GPR139: variants seen among roughly 807,000 people sequenced by gnomAD.
GPR139 encodes the protein G protein-coupled receptor 139.
A neutral mutation model predicts 25.8 loss-of-function variants in GPR139; 12 were observed. The ratio of observed to expected loss-of-function variants is 0.47; its 90% CI spans 0.30 to 0.75. GPR139 has a LOEUF of 0.75. Ranked by LOEUF, GPR139 falls within the 30% of genes least tolerant of loss-of-function variation. GPR139 has a pLI of 0.07. For synonymous variants in GPR139, 184 were observed against 179.9 expected (o/e 1.02, Z -0.18); for missense variants, 380 against 450.2 (o/e 0.84, Z 1.41).
At chr16:20,070,369 T>A (rs116027468) in intron 1 of GPR139, among the ~76,000 whole-genome samples, 1,947 of 152,322 alleles carry the variant, frequency 0.013, 36 homozygotes, top group African/African-American at 0.044. Flanking sequence ...ATGATCTTAT[T>A]TCATATATAC....
chr16:20,045,096 G>A (rs1596466654), intron 1 of GPR139, among the ~76,000 whole-genome samples: 1 of 150,208 alleles, frequency 6.7e-6, no homozygotes, highest in Non-Finnish European at 1.5e-5. Context: ...GCCTCCCAGG[G>A]TCAAGCAATT....
chr16:20,044,994 A>G (rs1403965298), intron 1 of GPR139, among the ~76,000 whole-genome samples: 2 of 86,330 alleles, frequency 2.3e-5, no homozygotes, highest in East Asian at 6.0e-4. Context: ...CACTTGCACT[A>G]TTTTTTTTTT....
chr16:20,048,293 G>A lies in GPR139; in HGVS notation c.128-15624C>T, dbSNP rs535298852. ...TTTGGGACCATTAGCTGCCTGAGAA[G>A]AGGGTTTGTGCCAGAATCTTCCACA... On this transcript the variant is annotated intron_variant, in intron 1 of 1. Coordinates refer to ENST00000570682, the MANE Select transcript of GPR139 (RefSeq NM_001002911.4). Among the ~76,000 whole-genome samples the A allele has an allele frequency of 1.1e-4, 17 of 152,272 alleles. 2 individuals carry two copies. In the East Asian group the frequency reaches 2.9e-3, roughly 26 times the overall value.
intron 1 of GPR139, among the ~76,000 whole-genome samples, chr16:20,033,961 A>T (rs1238152878): frequency 6.7e-6 from 1 of 150,164 alleles, no homozygotes; most frequent in East Asian, 2.0e-4. Context: ...TTGAAAATAC[A>T]TCTATATAAT....
At chr16:20,065,000 T>C (rs144425274) in intron 1 of GPR139, among the ~76,000 whole-genome samples, 11 of 152,340 alleles carry the variant, frequency 7.2e-5, no homozygotes, top group Non-Finnish European at 1.5e-4. Flanking sequence ...TAGCCACATA[T>C]TTCTCTGTGT....
chr16:20,036,385 T>C (rs2057310185), intron 1 of GPR139, among the ~76,000 whole-genome samples: 1 of 152,210 alleles, frequency 6.6e-6, no homozygotes, highest in South Asian at 2.1e-4. Flanking sequence ...TCAGTTCCCT[T>C]CTTTATAAAA....
chr16:20,047,188 G>A (rs1351810256), intron 1 of GPR139, among the ~76,000 whole-genome samples: 1 of 151,300 alleles, frequency 6.6e-6, no homozygotes, highest in Non-Finnish European at 1.5e-5. Flanking sequence ...TCAGCTCACT[G>A]CAGGCTCCGT....
chr16:20,061,229 GGA>G (rs375337160), intron 1 of GPR139, among the ~76,000 whole-genome samples: 5,119 of 79,148 alleles, frequency 0.065, 171 homozygotes, highest in African/African-American at 0.15. Flanking sequence ...ATGGATGTGT[GGA>G]TGGATGGATG....
At chr16:20,043,886 G>A (rs2057345064) in intron 1 of GPR139, among the ~76,000 whole-genome samples, 2 of 152,142 alleles carry the variant, frequency 1.3e-5, no homozygotes, top group African/African-American at 4.8e-5. Context: ...AGAGAGGAGA[G>A]GATACTTAAA....
Position 20,032,375 on chromosome 16 carries a change from T to C in GPR139, c.422A>G (p.Tyr141Cys). The change falls in exon 2 of 2, where the codon TAC becomes TGC. Residue 141 changes from tyrosine to cysteine, a missense_variant. Coordinates refer to ENST00000570682, the MANE Select transcript of GPR139 (RefSeq NM_001002911.4). ...AATGACTTTCCGGGTGCGGGCTGGG[T>C]ATGAGACCGTGTGGTACTTGAGCGG... ...CHPLKYHTVS[Y>C]PARTRKVIVS... The C allele has an allele frequency of 1.2e-6, 2 of 1,614,114 alleles. No homozygotes were observed. The highest frequency in any genetic ancestry group is 1.7e-6 in the Non-Finnish European group (2 of 1,180,026).
chr16:20,044,368 T>C (rs1184166687), intron 1 of GPR139, among the ~76,000 whole-genome samples: 2 of 152,210 alleles, frequency 1.3e-5, no homozygotes, highest in Non-Finnish European at 2.9e-5. Flanking sequence ...GGCTCTGATA[T>C]AGACCCCTAT....
intron 1 of GPR139, among the ~76,000 whole-genome samples, chr16:20,036,940 A>T (rs938716109): frequency 8.5e-5 from 13 of 152,306 alleles, no homozygotes; most frequent in African/African-American, 2.4e-4. Flanking sequence ...CAGGCATTGG[A>T]TGAGGCTTTG....
intron 1 of GPR139, among the ~76,000 whole-genome samples, chr16:20,039,838 G>A (rs949596374): frequency 6.6e-6 from 1 of 152,184 alleles, no homozygotes; most frequent in African/African-American, 2.4e-5. Flanking sequence ...GAACCCTTGT[G>A]TACTATGCCC....
intron 1 of GPR139, among the ~76,000 whole-genome samples, chr16:20,043,169 A>G (rs1206347017): frequency 6.6e-6 from 1 of 152,252 alleles, no homozygotes. Flanking sequence ...AAGGTGAGTC[A>G]GCAGCCGGGC....
chr16:20,061,697 A>T (rs189137211), intron 1 of GPR139, among the ~76,000 whole-genome samples: 4 of 152,332 alleles, frequency 2.6e-5, no homozygotes, highest in African/African-American at 9.6e-5. Flanking sequence ...TCACTCATAC[A>T]GTAAAATTCC....
At chr16:20,067,804 C>CA (rs35387821) in intron 1 of GPR139, among the ~76,000 whole-genome samples, 8,685 of 68,608 alleles carry the variant, frequency 0.13, 1,613 homozygotes, top group African/African-American at 0.31. Context: ...AACTCCATCT[C>CA]AAAAAAAAAA....
At chr16:20,070,429 G>A (rs1289377064) in intron 1 of GPR139, among the ~76,000 whole-genome samples, 1 of 152,190 alleles carries the variant, frequency 6.6e-6, no homozygotes, top group African/African-American at 2.4e-5. Context: ...TGCAGATGGG[G>A]AAAATTATGA....
At chr16:20,049,783 T>G (rs1016245845) in intron 1 of GPR139, among the ~76,000 whole-genome samples, 9 of 152,200 alleles carry the variant, frequency 5.9e-5, no homozygotes, top group Non-Finnish European at 1.3e-4. Flanking sequence ...ATCTGTAAAG[T>G]GGGGATGGTA....
At chr16:20,066,579 C>T (rs529621275) in intron 1 of GPR139, among the ~76,000 whole-genome samples, 4 of 152,330 alleles carry the variant, frequency 2.6e-5, no homozygotes, top group Admixed American at 2.6e-4. Flanking sequence ...TGTGTGGCTA[C>T]AGGCCATTTA....
Sources: allele counts gnomAD v4.1 joint callset (sites outside exome capture counted in the v4.1 genomes callset), GRCh38; gene constraint gnomAD v4.1.1; transcripts MANE v1.5; gene names NCBI Gene and HGNC (gene_info 2026-07-23, HGNC 2026-07-21).